The following CCDC158 variants were observed in gnomAD, a reference collection of about 807,000 sequenced individuals.
CCDC158 encodes the protein coiled-coil domain containing 158, also known as coiled-coil domain-containing protein 158.
A neutral mutation model predicts 138.6 loss-of-function variants in CCDC158; 116 were observed. The ratio of observed to expected loss-of-function variants is 0.84; its 90% CI spans 0.72 to 0.98. The LOEUF (loss-of-function observed/expected upper bound fraction) is 0.98, where lower values mean the gene tolerates loss of function less well. Among genes scored for constraint, CCDC158 ranks in the 50% least tolerant of loss-of-function variants. The pLI, the probability that CCDC158 is intolerant of heterozygous loss-of-function variation, is 0.00. For missense variants in CCDC158, 1,265 were observed against 1,306.1 expected, an observed-to-expected ratio of 0.97 and a Z score of 0.48; for synonymous variants, 436 against 442.4, an observed-to-expected ratio of 0.99 and a Z score of 0.18.
chr4:76,341,422 G>C (rs190579484), intron 18 of CCDC158, among the ~76,000 whole-genome samples: 2 of 152,104 alleles, frequency 1.3e-5, no homozygotes, highest in African/African-American at 4.8e-5. Context: ...TGGAATATAA[G>C]TATACCATTT....
At chr4:76,412,258 C>T (rs1729350521) in intron 1 of CCDC158, 126 bp from the exon 2 acceptor site, 1 of 152,098 alleles carries the variant, frequency 6.6e-6, no homozygotes, top group Non-Finnish European at 1.5e-5. Flanking sequence ...ATGTAAAACA[C>T]ACATATAACA....
chr4:76,329,074 A>T, intron 21 of CCDC158, 107 bp from the exon 22 acceptor site: 2 of 859,774 alleles, frequency 2.3e-6, no homozygotes, highest in Non-Finnish European at 3.9e-6. Flanking sequence ...TTTAAAATAT[A>T]ACCTCAAGAT....
At position 76,415,786 on chromosome 4, in the gene CCDC158, T is replaced by C. The variant is rs530436096; in HGVS notation, c.-116-3654A>G. On this transcript the variant is annotated intron_variant, in intron 1 of 24. Transcript: ENST00000682701. ...AAAGGGCTCCTTGGTCTAACGGTAATGCCAGTGTCTGGGAAGACGCCCATT... is the reference window on the plus strand; with the variant it reads ...AAAGGGCTCCTTGGTCTAACGGTAACGCCAGTGTCTGGGAAGACGCCCATT... 2.0e-5 allele frequency among the ~76,000 whole-genome samples: 3 copies of C among 152,280 alleles called. No homozygotes were observed. The East Asian group carries it at 5.8e-4, about 29-fold the overall frequency.
rs1210643678 is a variant in CCDC158, at chr4:76,384,429, G to T, written c.399-14C>A. ...CTCTCCCTTCGTCTATGAAATAAAT[G>T]AAAGAAAATAAATAACATTGATAAA... On this transcript the variant is annotated splice_polypyrimidine_tract_variant and intron_variant, in intron 5 of 24. Coordinates refer to ENST00000682701, the MANE Select transcript of CCDC158 (RefSeq NM_001394954.1). 8 of 1,595,390 alleles carry T rather than the reference G, an allele frequency of 5.0e-6. No homozygotes were observed. The highest frequency in any genetic ancestry group is 1.7e-6 in the Non-Finnish European group (2 of 1,169,420).
At position 76,313,178 on chromosome 4, in the gene CCDC158, G is replaced by A. The variant is rs1719049034; in HGVS notation, c.3346C>T (p.Leu1116=). ...QKVKDQEKML[L]K ...AATAGGCAAGCAACGAGTCATTTTA[G>A]TAACATTTTTTCCTGGTCTTTTACT... Residue 1116 remains leucine, a synonymous_variant, in exon 25 of 25, where the codon CTA becomes TTA. Coordinates refer to ENST00000682701, the MANE Select transcript of CCDC158 (RefSeq NM_001394954.1). 2 of 1,599,082 alleles carry A rather than the reference G, an allele frequency of 1.3e-6. No individual in the cohort carries two copies. The highest frequency in any genetic ancestry group is 1.7e-6 in the Non-Finnish European group (2 of 1,170,594).
In CCDC158 at chr4:76,362,296, T is replaced by C; in HGVS notation, c.1850A>G (p.Asp617Gly). ...KELKILKDKK[D>G]AKIRELEARV... ...GGCCTCAAGCTCCCGGATCTTTGCA[T>C]CTTTTTTATCTTTTAATATCTAAAT... is the stretch of plus-strand genomic sequence containing the variant. Residue 617 changes from aspartate to glycine, a missense_variant, in exon 13 of 25, where the codon GAT becomes GGT. Transcript: ENST00000682701. The C allele has an allele frequency of 6.2e-7, 1 of 1,611,684 alleles. No individual in the cohort carries two copies. The highest frequency in any genetic ancestry group is 8.5e-7 in the Non-Finnish European group (1 of 1,178,944).
intron 9 of CCDC158, among the ~76,000 whole-genome samples, chr4:76,376,036 T>C (rs1185903585): frequency 6.9e-6 from 1 of 144,330 alleles, no homozygotes; most frequent in Non-Finnish European, 1.5e-5. Flanking sequence ...CCTTTATTAG[T>C]TTCCTTTCAC....
At chr4:76,326,355 GTACAACTTTTCATATATAATATGTCA>G (rs1225022852) in intron 22 of CCDC158, among the ~76,000 whole-genome samples, 2 of 152,058 alleles carry the variant, frequency 1.3e-5, no homozygotes, top group Admixed American at 1.3e-4. Context: ...GAAATCATCT[GTACAACTTTTCATATATAATATGTCA>G]TACAATAAAA....
intron 24 of CCDC158, among the ~76,000 whole-genome samples, chr4:76,313,851 T>G (rs745752094): frequency 2.0e-5 from 3 of 152,254 alleles, no homozygotes; most frequent in Non-Finnish European, 4.4e-5. Context: ...CTTTTTCATA[T>G]AACAAAACGT....
At chr4:76,404,346 A>T (rs1579094490) in intron 2 of CCDC158, among the ~76,000 whole-genome samples, 1 of 152,352 alleles carries the variant, frequency 6.6e-6, no homozygotes, top group East Asian at 1.9e-4. Context: ...AAACATGAAT[A>T]CAATCTTTTC....
At chr4:76,405,926 A>G (rs111900868) in intron 2 of CCDC158, among the ~76,000 whole-genome samples, 3 of 152,272 alleles carry the variant, frequency 2.0e-5, no homozygotes, top group African/African-American at 7.2e-5. Flanking sequence ...AGCAAATATA[A>G]CACATTCAGT....
chr4:76,392,166 C>CA (rs954902504), intron 4 of CCDC158, among the ~76,000 whole-genome samples: 3 of 151,608 alleles, frequency 2.0e-5, no homozygotes, highest in Non-Finnish European at 4.4e-5. Flanking sequence ...AAAGACACAT[C>CA]AAAAAAAGAA....
intron 12 of CCDC158, among the ~76,000 whole-genome samples, chr4:76,364,634 CACTT>C (rs774294250): frequency 9.9e-5 from 15 of 152,092 alleles, no homozygotes; most frequent in Non-Finnish European, 1.9e-4. Context: ...TTATATATGT[CACTT>C]ACACTGTATT....
At chr4:76,399,003 G>A (rs939076006) in intron 3 of CCDC158, among the ~76,000 whole-genome samples, 1 of 152,162 alleles carries the variant, frequency 6.6e-6, no homozygotes, top group African/African-American at 2.4e-5. Flanking sequence ...AGATAATACT[G>A]TATTGACAGT....
rs562906113 is a variant in CCDC158, at chr4:76,391,005, G to A, written c.288+5264C>T. Among the ~76,000 whole-genome samples, 5 of 152,064 alleles carry A rather than the reference G, an allele frequency of 3.3e-5. No individual in the cohort carries two copies. The East Asian group carries it at 9.6e-4, about 29-fold the overall frequency. ...AAAGCAAATATTATCAGAAATAAAAGAGAGATAAGCCTCAATACAACAATA... is the reference window on the plus strand; with the variant it reads ...AAAGCAAATATTATCAGAAATAAAAAAGAGATAAGCCTCAATACAACAATA... On this transcript the variant is annotated intron_variant, in intron 4 of 24. Coordinates refer to ENST00000682701, the MANE Select transcript of CCDC158 (RefSeq NM_001394954.1).
At chr4:76,317,777 A>C (rs1364474538) in intron 24 of CCDC158, among the ~76,000 whole-genome samples, 1 of 152,218 alleles carries the variant, frequency 6.6e-6, no homozygotes, top group Non-Finnish European at 1.5e-5. Context: ...AGTCTCAACA[A>C]ATTTAAGAAA....
At position 76,353,196 on chromosome 4, in the gene CCDC158, T is replaced by C. The variant is rs1280883043; in HGVS notation, c.2372A>G (p.Glu791Gly). 6.2e-7 allele frequency: 1 copy of C among 1,613,840 alleles called. No homozygotes were observed. Residue 791 changes from glutamate to glycine, a missense_variant, in exon 16 of 25, where the codon GAG becomes GGG. Physicochemically the swap from Glu to Gly is moderately conservative, Grantham distance 98 (BLOSUM62 -2). Transcript: ENST00000682701. ...TTCCTGAGATCGCAGAACTTCCAAC[T>C]CCCCAGCCATCTTGTTTTTTTCTGT... is the stretch of plus-strand genomic sequence containing the variant. ...VATEKNKMAGELEVLRSQERR... is the reference protein window; with the variant it reads ...VATEKNKMAGGLEVLRSQERR...
intron 24 of CCDC158, among the ~76,000 whole-genome samples, chr4:76,315,976 C>T (rs926653861): frequency 1.3e-5 from 2 of 152,120 alleles, no homozygotes; most frequent in African/African-American, 4.8e-5. Context: ...ACCTTGAGTT[C>T]CGGGCTTTTC....
At chr4:76,321,886 C>G (rs1028602418) in intron 24 of CCDC158, among the ~76,000 whole-genome samples, 1 of 150,604 alleles carries the variant, frequency 6.6e-6, no homozygotes, top group Non-Finnish European at 1.5e-5. Context: ...GACCATTATT[C>G]TAAGTGAAGT....
Sources: allele counts gnomAD v4.1 joint callset (sites outside exome capture counted in the v4.1 genomes callset), GRCh38; gene constraint gnomAD v4.1.1; transcripts MANE v1.5; gene names NCBI Gene and HGNC (gene_info 2026-07-23, HGNC 2026-07-21).